Variants in CUBN observed in about 807,000 individuals in gnomAD.
CUBN encodes the protein cubilin.
In CUBN, 282 loss-of-function variants were observed where a neutral mutation model predicts 405.3. That is an observed-to-expected ratio of 0.70 (90% CI 0.63 to 0.77). CUBN has a LOEUF of 0.77. Ranked by LOEUF, CUBN falls within the 30% of genes least tolerant of loss-of-function variation. The probability of loss-of-function intolerance (pLI) is 0.00; values close to 1 mark genes in which losing one functional copy is unlikely to be tolerated. For synonymous variants in CUBN, 1,684 were observed against 1,617.0 expected (o/e 1.04, Z -0.99); for missense variants, 4,514 against 4,475.2 (o/e 1.01, Z -0.25).
rs2131293025 is a variant in CUBN at position 16,824,906 on chromosome 10, C to A, written c.*69G>T. 9.4e-7 allele frequency: 1 copy of A among 1,066,576 alleles called. No homozygotes were observed. 66.1% of individuals were successfully genotyped at this position (1,066,576 alleles called of 1,614,324 possible). A position where few individuals can be genotyped will look rare whatever the true frequency, so the allele number is the denominator to read the frequency against. ...TGTGGCATCAGCAGGGGTCATGTAT[C>A]AGGATGGCAGAGTGCTGTCCAGCGT... On this transcript the variant is annotated 3_prime_UTR_variant, in exon 67 of 67. Transcript: ENST00000377833.
In CUBN at chr10:17,105,459, T is replaced by C. The variant is rs779194257; in HGVS notation, c.1228A>G (p.Ile410Val). The part of the protein sequence containing the change: ...LSHPCLNGQC[I>V]DTVSGYFCKC... Reference sequence around the variant, plus strand: ...CACAGGAAAAACAAAGGACTCACGATGCATTGTCCATTTAGACAGGGGTGA... The same window carrying C: ...CACAGGAAAAACAAAGGACTCACGACGCATTGTCCATTTAGACAGGGGTGA... Residue 410 changes from isoleucine to valine, a missense_variant and splice_region_variant, in exon 11 of 67, where the codon ATC (isoleucine) becomes GTC (valine). This residue lies in a region of CUBN where 1,448 missense variants were observed against 1,388.0 expected (regional missense o/e 1.04). Coordinates refer to ENST00000377833, the MANE Select transcript of CUBN (RefSeq NM_001081.4). The C allele has an allele frequency of 1.6e-5, 25 of 1,541,284 alleles. No homozygotes were observed. The highest frequency in any genetic ancestry group is 2.2e-5 in the East Asian group (1 of 44,578).
At position 16,869,563 on chromosome 10, in the gene CUBN, G is replaced by C. The variant is rs945370126; in HGVS notation, c.9454+73C>G. Reference sequence around the variant, plus strand: ...AATCATAATCAGGTGGGGGTGGGGGGGGGGCGGGGAAATTAAATAAAGCAG... The same window carrying C: ...AATCATAATCAGGTGGGGGTGGGGGCGGGGCGGGGAAATTAAATAAAGCAG... On this transcript the variant is annotated intron_variant, in intron 59 of 66. Transcript: ENST00000377833. 1.0e-4 allele frequency: 99 copies of C among 979,456 alleles called. 1 individual carries two copies. Among genetic ancestry groups the C allele is most frequent in the Admixed American group, 2.6e-4 (15 of 56,638 alleles). 60.7% of individuals were successfully genotyped at this position (979,456 alleles called of 1,614,324 possible). A position where few individuals can be genotyped will look rare whatever the true frequency, so the allele number is the denominator to read the frequency against.
chr10:16,900,731 G>T lies in CUBN; in HGVS notation c.8304C>A (p.Asn2768Lys). The change falls in exon 53 of 67, where the codon AAC (asparagine) becomes AAA (lysine). Residue 2768 changes from asparagine to lysine, a missense_variant. Transcript: ENST00000377833. ...PIIGQYCGNSNPRTIQSGSNQ... is the reference protein window; with the variant it reads ...PIIGQYCGNSKPRTIQSGSNQ... ...TGGAACCTGACTGTATTGTCCTGGG[G>T]TTTGAATTTCCACAGTATTGTCCTA... The T allele has an allele frequency of 1.2e-6, 2 of 1,614,124 alleles. No homozygotes were observed. Among genetic ancestry groups the T allele is most frequent in the Non-Finnish European group, 1.7e-6 (2 of 1,179,978 alleles).
Position 17,045,066 on chromosome 10 carries a change from G to A in CUBN, c.3613C>T (p.Leu1205=), listed in dbSNP as rs1365499369. 5 of 1,614,048 alleles carry A rather than the reference G, an allele frequency of 3.1e-6. No individual in the cohort carries two copies. Among genetic ancestry groups the A allele is most frequent in the African/African-American group, 1.3e-5 (1 of 75,036 alleles). ...LKSSHGSAFE[L]EFKDFHLEHH... is the part of the protein sequence containing the mutation. ...TCCAAGTGAAAGTCTTTGAATTCCA[G>A]TTCAAATGCGCTGCCGTGGCTAGAT... Residue 1205 remains leucine (L), a synonymous_variant, in exon 25 of 67, where the codon CTG becomes TTG. Coordinates refer to ENST00000377833, the MANE Select transcript of CUBN (RefSeq NM_001081.4).
intron 22 of CUBN, among the ~76,000 whole-genome samples, chr10:17,056,540 C>A (rs7922184): frequency 1.3e-5 from 2 of 151,560 alleles, no homozygotes; most frequent in East Asian, 3.9e-4. Context: ...ACCCGGGAGT[C>A]GGAGCTTGCA....
intron 27 of CUBN, among the ~76,000 whole-genome samples, chr10:17,024,648 C>T: frequency 6.6e-6 from 1 of 152,072 alleles, no homozygotes; most frequent in Non-Finnish European, 1.5e-5. Flanking sequence ...AAACTACAGG[C>T]ATGCAGTACC....
In CUBN at chr10:16,900,838, C is replaced by T. The variant is rs763519951; in HGVS notation, c.8197G>A (p.Asp2733Asn). 6.2e-7 allele frequency: 1 copy of T among 1,612,776 alleles called. No individual in the cohort carries two copies. Among genetic ancestry groups the T allele is most frequent in the Admixed American group, 1.7e-5 (1 of 59,874 alleles). Reference sequence around the variant, plus strand: ...GTTGTATGGGGTTCAATATCAAAGTCACTAAATGTGAGCTGCAGGAGAAAA... The same window carrying T: ...GTTGTATGGGGTTCAATATCAAAGTTACTAAATGTGAGCTGCAGGAGAAAA... ...QGHTITLTFSDFDIEPHTTCA... is the reference protein window; with the variant it reads ...QGHTITLTFSNFDIEPHTTCA... Residue 2733 changes from aspartate to asparagine, a missense_variant, in exon 53 of 67, where the codon GAC (aspartate) becomes AAC (asparagine). By Grantham distance (23) the Asp-to-Asn change is conservative. This residue lies in a region of CUBN where 1,186 missense variants were observed against 1,186.9 expected (regional missense o/e 1.00). Transcript: ENST00000377833.
chr10:16,918,860 C>G (rs1841961335), intron 44 of CUBN, 60 bp from the exon 45 acceptor site: 1 of 1,421,930 alleles, frequency 7.0e-7, no homozygotes, highest in Non-Finnish European at 9.8e-7. Context: ...TTGATAATGA[C>G]AACCTTACTT....
intron 40 of CUBN, among the ~76,000 whole-genome samples, chr10:16,930,932 G>C (rs951644792): frequency 6.6e-6 from 1 of 152,232 alleles, no homozygotes; most frequent in East Asian, 1.9e-4. Flanking sequence ...GGCTGGCTGG[G>C]CAAAGAACAA....
In CUBN at chr10:16,890,525, C is replaced by G; in HGVS notation, c.8601G>C (p.Val2867=). ...TGTCCACCTCCTCAGTTCCTGCCCA[C>G]ACCTAGCACGGACATACACAGAACT... ...DGQCQNSFVK[V]WAGTEEVDKA... Residue 2867 remains valine, a splice_region_variant and synonymous_variant, in exon 55 of 67, where the codon GTG becomes GTC. Transcript: ENST00000377833. 1 of 1,614,166 alleles carries G rather than the reference C, an allele frequency of 6.2e-7. No individual in the cohort carries two copies. Among genetic ancestry groups the G allele is most frequent in the Non-Finnish European group, 8.5e-7 (1 of 1,180,026 alleles).
chr10:17,105,449 G>C lies in CUBN; in HGVS notation c.1230+8C>G. On this transcript the variant is annotated splice_region_variant and intron_variant, in intron 11 of 66. Coordinates refer to ENST00000377833, the MANE Select transcript of CUBN (RefSeq NM_001081.4). ...ACTCTCTGTCCACAGGAAAAACAAA[G>C]GACTCACGATGCATTGTCCATTTAG... The C allele has an allele frequency of 4.1e-6, 6 of 1,467,552 alleles. No individual in the cohort carries two copies. Among genetic ancestry groups the C allele is most frequent in the Non-Finnish European group, 5.7e-6 (6 of 1,045,134 alleles). The allele number at this position is 1,467,552 out of a possible 1,614,324, so 90.9% of individuals were successfully genotyped here.
chr10:17,084,323 A>C lies in CUBN; in HGVS notation c.2249T>G (p.Phe750Cys). The C allele has an allele frequency of 6.2e-7, 1 of 1,614,120 alleles. No individual in the cohort carries two copies. The highest frequency in any genetic ancestry group is 8.5e-7 in the Non-Finnish European group (1 of 1,180,022). Residue 750 changes from phenylalanine (F) to cysteine (C), a missense_variant, in exon 17 of 67, where the codon TTC becomes TGC. By Grantham distance (205) the Phe-to-Cys change is radical (BLOSUM62 -2). This residue lies in a region of CUBN where 1,448 missense variants were observed against 1,388.0 expected (regional missense o/e 1.04). Transcript: ENST00000377833. ...QPQGEQIQINFTHVELQCQSD... is the reference protein window; with the variant it reads ...QPQGEQIQINCTHVELQCQSD... ...CTGGCATTGCAGCTCCACGTGGGTG[A>C]AGTTGATTTGTATTTGTTCTCCCTG...
chr10:16,982,717 C>A (rs1487516263), intron 30 of CUBN, 64 bp from the exon 31 acceptor site: 1 of 1,416,834 alleles, frequency 7.1e-7, no homozygotes, highest in Non-Finnish European at 9.8e-7. Flanking sequence ...TAATCCATTA[C>A]CTGGTTGTAT....
At chr10:16,903,879 T>G in intron 51 of CUBN, 87 bp downstream of exon 51, 1 of 971,656 alleles carries the variant, frequency 1.0e-6, no homozygotes, top group South Asian at 1.9e-5. Flanking sequence ...TAGAAATAAA[T>G]CTAACAAAAT....
At chr10:16,848,722 G>A (rs1322931148) in intron 60 of CUBN, among the ~76,000 whole-genome samples, 10 of 36,962 alleles carry the variant, frequency 2.7e-4, no homozygotes, top group South Asian at 1.8e-3. Context: ...TTTTTTTGGC[G>A]AAAGTATCTC....
chr10:16,957,829 G>A (rs971385077), intron 31 of CUBN, among the ~76,000 whole-genome samples: 1 of 150,678 alleles, frequency 6.6e-6, no homozygotes, highest in Non-Finnish European at 1.5e-5. Flanking sequence ...ATCAACCTAA[G>A]TGTCTAGCAT....
intron 56 of CUBN, among the ~76,000 whole-genome samples, chr10:16,880,085 T>C (rs144274158): frequency 2.0e-5 from 3 of 152,158 alleles, no homozygotes; most frequent in Non-Finnish European, 2.9e-5. Context: ...ATTGAGAGAT[T>C]TGAGGCACAC....
intron 14 of CUBN, among the ~76,000 whole-genome samples, chr10:17,099,633 G>A (rs1836452532): frequency 6.6e-6 from 1 of 152,144 alleles, no homozygotes; most frequent in South Asian, 2.1e-4. Flanking sequence ...TGGATTGCTT[G>A]AGCCCAGGAG....
chr10:16,915,083 C>T lies in CUBN; in HGVS notation c.7300G>A (p.Gly2434Ser), dbSNP rs144565631. 196 of 1,613,980 alleles carry T rather than the reference C, an allele frequency of 1.2e-4. 2 individuals are homozygous for T. In the South Asian group the frequency reaches 1.2e-3, roughly 10 times the overall value. ...NTAVVRFVTD[G>S]SVTASGFRLR... ...CTGAATCCTGAGGCAGTCACAGAGC[C>T]GTCTGTGACAAACCTGACCACAGCA... The change falls in exon 47 of 67, where the codon GGC (glycine) becomes AGC (serine). Residue 2434 changes from glycine (G) to serine (S), a missense_variant. By Grantham distance (56) the Gly-to-Ser change is moderately conservative. This residue lies in a region of CUBN where 1,613 missense variants were observed against 1,542.8 expected (regional missense o/e 1.05). Coordinates refer to ENST00000377833, the MANE Select transcript of CUBN (RefSeq NM_001081.4).
Sources: allele counts gnomAD v4.1 joint callset (sites outside exome capture counted in the v4.1 genomes callset), GRCh38; gene constraint gnomAD v4.1.1; regional missense constraint gnomAD v4.1.1; transcripts MANE v1.5; gene names NCBI Gene and HGNC (gene_info 2026-07-23, HGNC 2026-07-21).